The following FANCL variants were observed in gnomAD, a reference collection of about 807,000 sequenced individuals.
The protein encoded by FANCL is E3 ubiquitin-protein ligase FANCL.
Under a neutral mutation model 59.4 loss-of-function variants are expected in FANCL, and 69 were observed. The observed-to-expected ratio is 1.16, with a 90% CI of 0.96 to 1.42. The LOEUF (loss-of-function observed/expected upper bound fraction) is 1.42. FANCL is among the 40% of genes most tolerant of loss of function. FANCL has a pLI of 0.00. For missense variants in FANCL, 519 were observed against 447.2 expected (o/e 1.16, Z -1.45); for synonymous variants, 180 against 147.1 (o/e 1.22, Z -1.62).
chr2:58,231,647 A>T (rs1343297513), intron 2 of FANCL, among the ~76,000 whole-genome samples: 1 of 152,134 alleles, frequency 6.6e-6, no homozygotes, highest in Non-Finnish European at 1.5e-5. Context: ...CCAGCACTCA[A>T]TGTTGGTACC....
At position 58,241,250 on chromosome 2, in the gene FANCL, T is replaced by C; in HGVS notation, c.64A>G (p.Lys22Glu). 6.2e-7 allele frequency: 1 copy of C among 1,614,242 alleles called. No homozygotes were observed. Among genetic ancestry groups the C allele is most frequent in the Non-Finnish European group, 8.5e-7 (1 of 1,180,030 alleles). Reference protein sequence around the residue: ...CPLLLPQNRSKTVYEGFISAQ... With the variant: ...CPLLLPQNRSETVYEGFISAQ... ...GAGATGAATCCCTCATACACGGTTT[T>C]CGACCGGTTCTGGGGCAGAAGCAGG... Residue 22 changes from lysine to glutamate, a missense_variant, in exon 1 of 14, where the codon AAA becomes GAA. Lys to Glu is a moderately conservative substitution (Grantham distance 56, BLOSUM62 1). Transcript: ENST00000233741.
chr2:58,180,810 T>C (rs553466759), intron 7 of FANCL, among the ~76,000 whole-genome samples: 8 of 152,080 alleles, frequency 5.3e-5, no homozygotes, highest in Admixed American at 1.3e-4. Context: ...TAAAGGTTTT[T>C]TGTGTGTGTG....
intron 7 of FANCL, among the ~76,000 whole-genome samples, chr2:58,173,063 GAAGC>G (rs1686846759): frequency 6.6e-6 from 1 of 152,172 alleles, no homozygotes; most frequent in African/African-American, 2.4e-5. Context: ...TGAATGAAAT[GAAGC>G]AAGAAGGGAA....
chr2:58,236,516 C>A (rs912932432), intron 1 of FANCL, among the ~76,000 whole-genome samples: 11 of 146,722 alleles, frequency 7.5e-5, no homozygotes, highest in Non-Finnish European at 1.5e-4. Context: ...GGAGATAAAA[C>A]AGAATTACAA....
chr2:58,238,638 A>G (rs1294898785), intron 1 of FANCL, among the ~76,000 whole-genome samples: 2 of 152,226 alleles, frequency 1.3e-5, no homozygotes, highest in African/African-American at 4.8e-5. Flanking sequence ...CTGATTACAT[A>G]TTAGGTCACA....
intron 7 of FANCL, among the ~76,000 whole-genome samples, chr2:58,184,431 G>T (rs574986407): frequency 6.6e-6 from 1 of 152,086 alleles, no homozygotes; most frequent in African/African-American, 2.4e-5. Context: ...TTTTGGAATA[G>T]GTTTTGAACC....
At chr2:58,233,276 T>C (rs767244500) in intron 1 of FANCL, among the ~76,000 whole-genome samples, 69 of 152,208 alleles carry the variant, frequency 4.5e-4, no homozygotes, top group Non-Finnish European at 7.8e-4. Context: ...TGCTGTTATC[T>C]GAAAGAATAA....
chr2:58,164,848 T>G (rs748629241), intron 8 of FANCL, among the ~76,000 whole-genome samples: 9 of 152,064 alleles, frequency 5.9e-5, no homozygotes, highest in Non-Finnish European at 1.2e-4. Flanking sequence ...GTACCAATAC[T>G]ATTTGTAGAA....
At chr2:58,163,286 A>G (rs1429522767) in intron 9 of FANCL, 148 bp downstream of exon 9, 3 of 741,268 alleles carry the variant, frequency 4.0e-6, no homozygotes, top group African/African-American at 3.6e-5. Flanking sequence ...GCGCCATTAC[A>G]CTACATACTG....
At position 58,241,230 on chromosome 2, in the gene FANCL, G is replaced by C. The variant is rs200355042; in HGVS notation, c.84C>G (p.Phe28Leu). ...QNRSKTVYEG[F>L]ISAQGRDFHL... The stretch of plus-strand genomic sequence containing the variant: ...ACTGGGCGGGTACCTGAGCCGAGAT[G>C]AATCCCTCATACACGGTTTTCGACC... The change falls in exon 1 of 14, where the codon TTC (phenylalanine) becomes TTG (leucine). Residue 28 changes from phenylalanine to leucine, a missense_variant. Physicochemically the swap from Phe to Leu is conservative, Grantham distance 22 (BLOSUM62 0). Coordinates refer to ENST00000233741, the MANE Select transcript of FANCL (RefSeq NM_018062.4). 2 of 1,614,258 alleles carry C rather than the reference G, an allele frequency of 1.2e-6. No individual in the cohort carries two copies. The highest frequency in any genetic ancestry group is 1.7e-6 in the Non-Finnish European group (2 of 1,180,034).
intron 5 of FANCL, among the ~76,000 whole-genome samples, chr2:58,208,146 A>T (rs1345948889): frequency 6.6e-6 from 1 of 152,210 alleles, no homozygotes; most frequent in Non-Finnish European, 1.5e-5. Flanking sequence ...ATAAAATATA[A>T]ATCATTCAAA....
At chr2:58,176,268 G>A (rs535442730) in intron 7 of FANCL, among the ~76,000 whole-genome samples, 1 of 152,130 alleles carries the variant, frequency 6.6e-6, no homozygotes, top group Non-Finnish European at 1.5e-5. Flanking sequence ...TCACAGAATT[G>A]GAAAAATCTA....
At chr2:58,191,867 T>C (rs1007159695) in intron 7 of FANCL, among the ~76,000 whole-genome samples, 15 of 151,928 alleles carry the variant, frequency 9.9e-5, no homozygotes, top group South Asian at 8.3e-4. Flanking sequence ...AGGATTTTCA[T>C]ATACAACACC....
At position 58,163,010 on chromosome 2, in the gene FANCL, A is replaced by G. The variant is rs1159132669; in HGVS notation, c.821+19T>C. 6 of 1,612,834 alleles carry G rather than the reference A, an allele frequency of 3.7e-6. No homozygotes were observed. In the Admixed American group the frequency reaches 5.0e-5, roughly 13 times the overall value. On this transcript the variant is annotated intron_variant, in intron 10 of 13. Coordinates refer to ENST00000233741, the MANE Select transcript of FANCL (RefSeq NM_018062.4). Reference sequence around the variant, plus strand: ...GTAAAATCACCAAAAAGTAAAAATTATATTGCCAAGGTACCTACCACAAAT... The same window carrying G: ...GTAAAATCACCAAAAAGTAAAAATTGTATTGCCAAGGTACCTACCACAAAT...
intron 7 of FANCL, among the ~76,000 whole-genome samples, chr2:58,178,741 G>A (rs1049443192): frequency 1.2e-4 from 19 of 152,068 alleles, no homozygotes; most frequent in Admixed American, 1.1e-3. Context: ...GGGCAATCAG[G>A]CAAGAGAAAG....
chr2:58,196,411 G>C (rs1689429254), intron 7 of FANCL, among the ~76,000 whole-genome samples: 1 of 151,900 alleles, frequency 6.6e-6, no homozygotes, highest in African/African-American at 2.4e-5. Context: ...TCTGTATTTT[G>C]CTTAGAATTT....
intron 7 of FANCL, among the ~76,000 whole-genome samples, chr2:58,181,363 A>G (rs934051495): frequency 2.0e-5 from 3 of 152,050 alleles, no homozygotes; most frequent in Non-Finnish European, 4.4e-5. Context: ...GCTTTGGTGG[A>G]AAACAATCAA....
intron 8 of FANCL, among the ~76,000 whole-genome samples, chr2:58,164,213 T>G (rs781651814): frequency 7.2e-5 from 11 of 152,054 alleles, no homozygotes; most frequent in Non-Finnish European, 1.6e-4. Context: ...TTTTTGAAGG[T>G]ACATAGTGTA....
At position 58,159,279 on chromosome 2, in the gene FANCL, C is replaced by T; in HGVS notation, c.*486G>A. 3.3e-6 allele frequency: 4 copies of T among 1,209,426 alleles called. No homozygotes were observed. The highest frequency in any genetic ancestry group is 4.7e-5 in the East Asian group (2 of 42,722). 74.9% of individuals were successfully genotyped at this position (1,209,426 alleles called of 1,614,324 possible). ...TAACATTTTATTTAGCATTCTTACA[C>T]ACTACACAAAATAAATACTTGGATA... On this transcript the variant is annotated 3_prime_UTR_variant, in exon 14 of 14. Transcript: ENST00000233741.
Sources: allele counts gnomAD v4.1 joint callset (sites outside exome capture counted in the v4.1 genomes callset), GRCh38; gene constraint gnomAD v4.1.1; transcripts MANE v1.5; gene names NCBI Gene and HGNC (gene_info 2026-07-23, HGNC 2026-07-21).